BLTP3B: variants seen among roughly 807,000 people sequenced by gnomAD.
The protein encoded by BLTP3B is UHRF1 (ICBP90) binding protein 1-like.
the BLTP3B span, among the ~76,000 whole-genome samples, chr12:100,130,985 GAGAGAGAGAGAGAGAGA>G: frequency 5.2e-5 from 3 of 57,974 alleles, no homozygotes; most frequent in Non-Finnish European, 8.0e-5. Flanking sequence ...GAGGGAGGGA[GAGAGAGAGAGAGAGAGA>G]GAGAGAGAGA....
the BLTP3B span, chr12:100,084,327 T>C: frequency 2.4e-6 from 2 of 849,972 alleles, no homozygotes; most frequent in Admixed American, 3.4e-5. Context: ...GACCCCCATC[T>C]CTACATTAAA....
the BLTP3B span, chr12:100,097,535 TACTC>T: frequency 1.3e-6 from 2 of 1,573,026 alleles, no homozygotes; most frequent in Non-Finnish European, 8.6e-7. Flanking sequence ...TAACTTCACT[TACTC>T]ATGCAAAACA....
At chr12:100,134,109 A>C in the BLTP3B span, among the ~76,000 whole-genome samples, 3 of 151,788 alleles carry the variant, frequency 2.0e-5, no homozygotes, top group African/African-American at 7.3e-5. Context: ...GGACTACTGT[A>C]GTGCATGTAC....
chr12:100,133,570 A>C, the BLTP3B span, among the ~76,000 whole-genome samples: 1 of 152,218 alleles, frequency 6.6e-6, no homozygotes, highest in African/African-American at 2.4e-5. Context: ...ATCAATGAAA[A>C]GGGTACTGGA....
chr12:100,086,363 G>C, the BLTP3B span: 5 of 374,986 alleles, frequency 1.3e-5, no homozygotes, highest in South Asian at 2.2e-5. Flanking sequence ...TTGACTCTGG[G>C]AAAAAAAAAG....
At chr12:100,093,574 C>G in the BLTP3B span, among the ~76,000 whole-genome samples, 2 of 152,140 alleles carry the variant, frequency 1.3e-5, no homozygotes, top group African/African-American at 4.8e-5. Context: ...TTTTTACCCC[C>G]TTCCTGTTCA....
chr12:100,074,806 A>C, the BLTP3B span, among the ~76,000 whole-genome samples: 1 of 152,188 alleles, frequency 6.6e-6, no homozygotes, highest in Non-Finnish European at 1.5e-5. Flanking sequence ...TAAGGAACCA[A>C]AATGGCATGG....
the BLTP3B span, among the ~76,000 whole-genome samples, chr12:100,115,250 C>G: frequency 6.6e-6 from 1 of 151,998 alleles, no homozygotes; most frequent in Admixed American, 6.6e-5. Flanking sequence ...ACTAAAAATA[C>G]CAAACATTAG....
chr12:100,104,203 T>TC, the BLTP3B span, among the ~76,000 whole-genome samples: 166 of 149,394 alleles, frequency 1.1e-3, no homozygotes, highest in African/African-American at 4.0e-3. Context: ...GTTCTTTTTT[T>TC]CTTTTTTTTT....
the BLTP3B span, among the ~76,000 whole-genome samples, chr12:100,117,905 T>C: frequency 6.6e-6 from 1 of 152,146 alleles, no homozygotes; most frequent in African/African-American, 2.4e-5. Context: ...GGAAGTTATC[T>C]GGGGGACTCA....
At chr12:100,095,434 T>G in the BLTP3B span, among the ~76,000 whole-genome samples, 1 of 152,238 alleles carries the variant, frequency 6.6e-6, no homozygotes, top group Non-Finnish European at 1.5e-5. Context: ...CATCGAATAC[T>G]TTTATGTCAT....
At chr12:100,122,541 A>T in the BLTP3B span, among the ~76,000 whole-genome samples, 1 of 152,208 alleles carries the variant, frequency 6.6e-6, no homozygotes, top group South Asian at 2.1e-4. Flanking sequence ...ACCCTCAAGG[A>T]GCTTTCAGTG....
At chr12:100,086,508 T>C in the BLTP3B span, 2 of 589,286 alleles carry the variant, frequency 3.4e-6, no homozygotes, top group South Asian at 2.2e-5. Flanking sequence ...GGAAATATAA[T>C]TCAATCCAAT....
chr12:100,086,468 C>G, the BLTP3B span: 16,701 of 629,214 alleles, frequency 0.027, 364 homozygotes, highest in Non-Finnish European at 0.035. Flanking sequence ...ATAACTGTCT[C>G]TCTTTTATGA....
chr12:100,074,999 G>A, the BLTP3B span, among the ~76,000 whole-genome samples: 558 of 151,520 alleles, frequency 3.7e-3, 7 homozygotes, highest in African/African-American at 0.013. Context: ...GAATGAAACT[G>A]GACCCCTACA....
the BLTP3B span, chr12:100,070,007 CA>C: frequency 1.6e-6 from 2 of 1,232,134 alleles, no homozygotes; most frequent in Non-Finnish European, 2.0e-6. Flanking sequence ...GTGGTGAATA[CA>C]GGGGCAAAGG....
At chr12:100,084,837 A>G in the BLTP3B span, among the ~76,000 whole-genome samples, 1 of 152,182 alleles carries the variant, frequency 6.6e-6, no homozygotes, top group Non-Finnish European at 1.5e-5. Context: ...AAACAGAGGG[A>G]AAGAATGTCA....
the BLTP3B span, among the ~76,000 whole-genome samples, chr12:100,052,563 T>C: frequency 6.6e-6 from 1 of 151,996 alleles, no homozygotes; most frequent in African/African-American, 2.4e-5. Context: ...GAAAAGTTTA[T>C]CACAGTAAAG....
the BLTP3B span, among the ~76,000 whole-genome samples, chr12:100,084,158 C>T: frequency 3.3e-3 from 507 of 151,618 alleles, 2 homozygotes; most frequent in African/African-American, 0.012. Flanking sequence ...CACTGCACTT[C>T]AGCCTGGGAG....
Sources: allele counts gnomAD v4.1 joint callset (sites outside exome capture counted in the v4.1 genomes callset), GRCh38; gene constraint gnomAD v4.1.1; transcripts MANE v1.5; gene names NCBI Gene and HGNC (gene_info 2026-07-23, HGNC 2026-07-21).